The following PRPS1 variants were observed in gnomAD, a reference collection of about 807,000 sequenced individuals.
PRPS1 encodes the protein ribose-phosphate pyrophosphokinase 1.
A neutral mutation model predicts 16.9 loss-of-function variants in PRPS1; 1 was observed. The ratio of observed to expected loss-of-function variants is 0.06; its 90% CI spans 0.02 to 0.28. The LOEUF (loss-of-function observed/expected upper bound fraction) is 0.28, where lower values mean the gene tolerates loss of function less well. Ranked by LOEUF, PRPS1 falls within the 10% of genes least tolerant of loss-of-function variation. The pLI, the probability that PRPS1 is intolerant of heterozygous loss-of-function variation, is 1.00. For missense variants in PRPS1, 47 were observed against 254.0 expected (o/e 0.19, Z 5.54); for synonymous variants, 70 against 90.2 (o/e 0.78, Z 1.27).
chrX:107,642,271 A>G, intron 3 of PRPS1, 95 bp from the exon 4 acceptor site: 1 of 1,118,365 alleles, frequency 8.9e-7, no homozygotes, highest in South Asian at 1.8e-5. Context: ...ATGTTGCAGT[A>G]AGACATTCTC....
chrX:107,628,795 C>T, intron 1 of PRPS1, 45 bp downstream of exon 1: 1 of 1,209,435 alleles, frequency 8.3e-7, no homozygotes, highest in Non-Finnish European at 1.1e-6. Flanking sequence ...CCTGCCCAGG[C>T]GGCAGAGTAT....
At chrX:107,647,241 C>T (rs764125541) in intron 5 of PRPS1, among the ~76,000 whole-genome samples, 1 of 112,528 alleles carries the variant, frequency 8.9e-6, no homozygotes, top group African/African-American at 3.2e-5. Context: ...CGCACGCATG[C>T]GTGCACACAC....
At chrX:107,646,891 T>C (rs1448938946) in intron 5 of PRPS1, among the ~76,000 whole-genome samples, 3 of 112,479 alleles carry the variant, frequency 2.7e-5, no homozygotes, top group Admixed American at 9.4e-5. Context: ...ATGGCCACAC[T>C]GAACTATGTG....
rs759133840 is a variant in PRPS1 at position 107,642,459 on chromosome X, A to G, written c.499A>G (p.Ile167Val). The G allele has an allele frequency of 1.7e-6, 2 of 1,209,646 alleles. No homozygotes were observed. Among genetic ancestry groups the G allele is most frequent in the African/African-American group, 1.7e-5 (1 of 57,205 alleles). Residue 167 changes from isoleucine (I) to valine (V), a missense_variant, in exon 4 of 7, where the codon ATT becomes GTT. Physicochemically the swap from Ile to Val is conservative, Grantham distance 29. Coordinates refer to ENST00000372435, the MANE Select transcript of PRPS1 (RefSeq NM_002764.4). ...ENISEWRNCT[I>V]VSPDAGGAKR... ...TATCTCTGAGTGGAGGAACTGCACT[A>G]TTGTCTCACCTGATGCTGGTGGAGC...
chrX:107,650,552 G>A lies in PRPS1; in HGVS notation c.*520G>A, dbSNP rs1329505345. 7.6e-6 allele frequency: 1 copy of A among 131,074 alleles called. No homozygotes were observed. The highest frequency in any genetic ancestry group is 1.5e-5 in the Non-Finnish European group (1 of 68,415). The allele number at this position is 131,074 out of a possible 1,213,427, so 10.8% of individuals were successfully genotyped here. On this transcript the variant is annotated 3_prime_UTR_variant, in exon 7 of 7. Coordinates refer to ENST00000372435, the MANE Select transcript of PRPS1 (RefSeq NM_002764.4). The stretch of plus-strand genomic sequence containing the variant: ...CTCAGCTTGAGCAGACATTGGGTGG[G>A]GGGTGGGGGGTGGTTGAGGGGGGAG...
intron 2 of PRPS1, among the ~76,000 whole-genome samples, chrX:107,639,736 C>A (rs990453848): frequency 2.7e-5 from 3 of 111,635 alleles, no homozygotes; most frequent in Admixed American, 9.6e-5. Flanking sequence ...ATCAGTAAGA[C>A]TAAGCACCAA....
intron 1 of PRPS1, among the ~76,000 whole-genome samples, chrX:107,637,110 T>A (rs1409468821): frequency 8.9e-6 from 1 of 112,669 alleles, no homozygotes; most frequent in Non-Finnish European, 1.9e-5. Flanking sequence ...TTTTTAAAAA[T>A]TTTTAAATTA....
At chrX:107,641,802 A>G (rs1016448637) in intron 3 of PRPS1, among the ~76,000 whole-genome samples, 16 of 112,420 alleles carry the variant, frequency 1.4e-4, no homozygotes, top group Admixed American at 6.6e-4. Flanking sequence ...TGGGAATTCA[A>G]TGAAGTACAT....
intron 5 of PRPS1, among the ~76,000 whole-genome samples, chrX:107,647,237 C>T (rs1387379354): frequency 8.9e-6 from 1 of 112,563 alleles, no homozygotes; most frequent in Admixed American, 9.3e-5. Flanking sequence ...CATGCGCACG[C>T]ATGCGTGCAC....
chrX:107,642,276 AT>A (rs1925591258), intron 3 of PRPS1, 89 bp from the exon 4 acceptor site: 1 of 1,140,898 alleles, frequency 8.8e-7, no homozygotes, highest in African/African-American at 1.8e-5. Context: ...GCAGTAAGAC[AT>A]TCTCTGAGCA....
intron 1 of PRPS1, among the ~76,000 whole-genome samples, chrX:107,630,738 AACACACACACACACACACACAC>A (rs111543861): frequency 2.1e-5 from 2 of 95,928 alleles, no homozygotes; most frequent in Non-Finnish European, 4.2e-5. Flanking sequence ...TTATTTAGGA[AACACACACACACACACACACAC>A]ACACACACAC....
rs754068855 is a variant in PRPS1, at chrX:107,649,945, T to C, written c.870T>C (p.Ile290=). 1.7e-5 allele frequency: 21 copies of C among 1,210,533 alleles called. No homozygotes were observed. The Admixed American group carries it at 4.6e-4, about 26-fold the overall frequency. ...TTCCTTTCTTGCCTTTCTAGGTGAT[T>C]GACATCTCTATGATCCTTGCAGAAG... The part of the protein sequence containing the change: ...KMKHCSKIQV[I]DISMILAEAI... Residue 290 remains isoleucine (I), a synonymous_variant, in exon 7 of 7, where the codon ATT becomes ATC. Coordinates refer to ENST00000372435, the MANE Select transcript of PRPS1 (RefSeq NM_002764.4).
intron 1 of PRPS1, among the ~76,000 whole-genome samples, chrX:107,637,205 T>C (rs984275869): frequency 9.0e-6 from 1 of 111,485 alleles, no homozygotes; most frequent in Non-Finnish European, 1.9e-5. Flanking sequence ...CACTGAAACT[T>C]TCGTGGTAAA....
chrX:107,631,264 G>C (rs186379973), intron 1 of PRPS1, among the ~76,000 whole-genome samples: 2 of 110,870 alleles, frequency 1.8e-5, no homozygotes, highest in Non-Finnish European at 1.9e-5. Flanking sequence ...GCCCAGGCTG[G>C]AGTCCAATAG....
intron 3 of PRPS1, among the ~76,000 whole-genome samples, chrX:107,641,312 A>C (rs764384343): frequency 8.9e-6 from 1 of 111,787 alleles, no homozygotes; most frequent in Non-Finnish European, 1.9e-5. Context: ...TGTGAGTATA[A>C]AACATTAAAT....
chrX:107,647,500 TATG>T (rs1925725722), intron 5 of PRPS1, 103 bp from the exon 6 acceptor site: 2 of 869,789 alleles, frequency 2.3e-6, no homozygotes, highest in African/African-American at 4.0e-5. Flanking sequence ...TTTTTTTTCA[TATG>T]ATATTTTGTT....
chrX:107,649,904 A>G (rs375588087), intron 6 of PRPS1, 36 bp from the exon 7 acceptor site: 29 of 1,210,264 alleles, frequency 2.4e-5, no homozygotes, highest in Non-Finnish European at 3.2e-5. Flanking sequence ...CTCTGACCAT[A>G]TGATAGTAAC....
intron 1 of PRPS1, among the ~76,000 whole-genome samples, chrX:107,636,015 G>A (rs376913780): frequency 8.4e-4 from 82 of 98,042 alleles, no homozygotes; most frequent in African/African-American, 2.8e-3. Context: ...AGCCAAGATC[G>A]TGCCACTGCA....
At chrX:107,644,694 G>A (rs1237772719) in intron 4 of PRPS1, among the ~76,000 whole-genome samples, 1 of 112,119 alleles carries the variant, frequency 8.9e-6, no homozygotes, top group Non-Finnish European at 1.9e-5. Flanking sequence ...AACCCAGTTT[G>A]TGATATTTGC....
Sources: gnomAD v4.1 joint callset for allele counts (sites outside exome capture counted in the v4.1 genomes callset) on GRCh38, gnomAD v4.1.1 for gene constraint, MANE v1.5 for transcripts, NCBI Gene and HGNC (gene_info 2026-07-23, HGNC 2026-07-21) for gene names.